Variants in WDR7 observed in about 807,000 individuals in gnomAD.
WDR7 encodes WD repeat domain 7, also known as WD repeat-containing protein 7.
WDR7 carries 46 observed loss-of-function variants against 169.4 expected under a neutral mutation model. The observed-to-expected ratio is 0.27, with a 90% confidence interval of 0.21 to 0.35. The LOEUF is 0.35. Ranked by LOEUF, WDR7 falls within the 10% of genes least tolerant of loss-of-function variation. The probability of loss-of-function intolerance (pLI) is 1.00; values close to 1 mark genes in which losing one functional copy is unlikely to be tolerated. For synonymous variants in WDR7, 612 were observed against 666.8 expected (o/e 0.92, Z 1.27); for missense variants, 1,534 against 1,859.3 (o/e 0.83, Z 3.22).
chr18:57,024,473 G>A (rs1476109077), intron 27 of WDR7, among the ~76,000 whole-genome samples: 1 of 152,048 alleles, frequency 6.6e-6, no homozygotes, highest in African/African-American at 2.4e-5. Context: ...TAGTGAACAT[G>A]GGGGTCTTTA....
At chr18:56,952,260 G>A (rs2145740902) in intron 25 of WDR7, among the ~76,000 whole-genome samples, 1 of 152,318 alleles carries the variant, frequency 6.6e-6, no homozygotes, top group East Asian at 1.9e-4. Context: ...ACACCCAGCT[G>A]TGCAGTCTGG....
At chr18:56,693,930 C>A (rs537359380) in intron 9 of WDR7, among the ~76,000 whole-genome samples, 5 of 151,842 alleles carry the variant, frequency 3.3e-5, no homozygotes, top group Admixed American at 3.3e-4. Flanking sequence ...AGTGCAGTAG[C>A]GAAATGATAG....
chr18:56,720,448 T>G (rs1032426626), intron 13 of WDR7, among the ~76,000 whole-genome samples: 7 of 151,508 alleles, frequency 4.6e-5, no homozygotes, highest in Admixed American at 3.9e-4. Flanking sequence ...GACTCTGTCT[T>G]AAAAATAAAC....
chr18:56,810,362 A>G (rs2044847976), intron 19 of WDR7, among the ~76,000 whole-genome samples: 1 of 152,134 alleles, frequency 6.6e-6, no homozygotes, highest in African/African-American at 2.4e-5. Flanking sequence ...TAGAAATCGC[A>G]AGTAGTCTGT....
intron 19 of WDR7, among the ~76,000 whole-genome samples, chr18:56,801,751 A>T (rs547214564): frequency 1.6e-4 from 24 of 152,298 alleles, no homozygotes; most frequent in African/African-American, 5.1e-4. Flanking sequence ...TACACTTGAG[A>T]TTCATTCATG....
intron 20 of WDR7, among the ~76,000 whole-genome samples, chr18:56,835,350 A>AT (rs1444822397): frequency 6.6e-6 from 1 of 152,252 alleles, no homozygotes; most frequent in Admixed American, 6.5e-5. Flanking sequence ...AGATCAGAAT[A>AT]TGTGCATTAG....
At chr18:56,957,887 C>CATTGCAA (rs2047279283) in intron 25 of WDR7, among the ~76,000 whole-genome samples, 2 of 152,242 alleles carry the variant, frequency 1.3e-5, no homozygotes, top group South Asian at 2.1e-4. Flanking sequence ...ATCCTGAGAT[C>CATTGCAA]ATTGCAAATT....
At position 56,731,590 on chromosome 18, in the gene WDR7, C is replaced by G. The variant is rs779797825; in HGVS notation, c.1982C>G (p.Ser661Cys). 2 of 1,613,738 alleles carry G rather than the reference C, an allele frequency of 1.2e-6. No individual in the cohort carries two copies. Among genetic ancestry groups the G allele is most frequent in the Admixed American group, 3.3e-5 (2 of 60,024 alleles). ...LATNLLASEASDKGNLPKYSH... is the reference protein window; with the variant it reads ...LATNLLASEACDKGNLPKYSH... ...ACTAACCTCTTGGCTTCTGAGGCAT[C>G]TGACAAGGTAAGTTTTATATGTGGG... Residue 661 changes from serine to cysteine, a missense_variant, in exon 14 of 28, where the codon TCT becomes TGT. Coordinates refer to ENST00000254442, the MANE Select transcript of WDR7 (RefSeq NM_015285.3).
chr18:56,733,412 C>G (rs1000880972), intron 14 of WDR7, among the ~76,000 whole-genome samples: 1 of 152,090 alleles, frequency 6.6e-6, no homozygotes, highest in Non-Finnish European at 1.5e-5. Context: ...GAGAAATAAA[C>G]CCACCCAAAG....
intron 21 of WDR7, among the ~76,000 whole-genome samples, chr18:56,914,793 G>C (rs1052199442): frequency 6.6e-6 from 1 of 152,058 alleles, no homozygotes. Flanking sequence ...ACATCATTTT[G>C]CTCATTTATA....
intron 13 of WDR7, among the ~76,000 whole-genome samples, chr18:56,729,206 T>G (rs934084905): frequency 1.3e-5 from 2 of 152,200 alleles, no homozygotes; most frequent in African/African-American, 4.8e-5. Flanking sequence ...AATTCTAAAT[T>G]TATTCCTGTG....
At chr18:56,906,494 T>C (rs2046477859) in intron 21 of WDR7, among the ~76,000 whole-genome samples, 1 of 152,006 alleles carries the variant, frequency 6.6e-6, no homozygotes, top group Non-Finnish European at 1.5e-5. Context: ...GGATGATGGG[T>C]ACAGCAAGGC....
intron 25 of WDR7, among the ~76,000 whole-genome samples, chr18:56,958,756 G>GT (rs1215226010): frequency 2.0e-5 from 3 of 152,050 alleles, no homozygotes; most frequent in Non-Finnish European, 1.5e-5. Context: ...TTTTTGGACA[G>GT]TTTTTGTTTC....
chr18:56,923,409 C>T (rs1325915318), intron 21 of WDR7, among the ~76,000 whole-genome samples: 1 of 152,150 alleles, frequency 6.6e-6, no homozygotes, highest in Non-Finnish European at 1.5e-5. Context: ...GTACATACAC[C>T]AGAATATAGA....
At chr18:56,802,642 A>G (rs1301833972) in intron 19 of WDR7, among the ~76,000 whole-genome samples, 1 of 151,672 alleles carries the variant, frequency 6.6e-6, no homozygotes, top group Non-Finnish European at 1.5e-5. Flanking sequence ...TGCTGGGATT[A>G]CAGGCATGAG....
At chr18:56,915,580 A>T (rs1210103332) in intron 21 of WDR7, among the ~76,000 whole-genome samples, 2 of 152,136 alleles carry the variant, frequency 1.3e-5, no homozygotes, top group Non-Finnish European at 2.9e-5. Flanking sequence ...TTTTCTTTTA[A>T]GTATGAGGAA....
intron 21 of WDR7, among the ~76,000 whole-genome samples, chr18:56,903,791 T>C (rs1454894157): frequency 1.3e-5 from 2 of 152,140 alleles, no homozygotes; most frequent in Admixed American, 6.6e-5. Context: ...GGACCACAAG[T>C]AGATTCCTTG....
At chr18:56,838,567 A>G (rs574325030) in intron 20 of WDR7, among the ~76,000 whole-genome samples, 2 of 152,328 alleles carry the variant, frequency 1.3e-5, no homozygotes, top group East Asian at 1.9e-4. Flanking sequence ...AATTGTTTCC[A>G]TAGCAGAAAG....
chr18:56,796,575 TAAAA>T (rs1270526813), intron 19 of WDR7, among the ~76,000 whole-genome samples: 1 of 152,166 alleles, frequency 6.6e-6, no homozygotes, highest in Non-Finnish European at 1.5e-5. Context: ...AAATTTCCAC[TAAAA>T]AAACTTAATA....
Sources: allele counts gnomAD v4.1 joint callset (sites outside exome capture counted in the v4.1 genomes callset), GRCh38; gene constraint gnomAD v4.1.1; transcripts MANE v1.5; gene names NCBI Gene and HGNC (gene_info 2026-07-23, HGNC 2026-07-21).